OTOGL: variants seen among roughly 807,000 people sequenced by gnomAD.
The protein encoded by OTOGL is otogelin like.
A neutral mutation model predicts 318.5 loss-of-function variants in OTOGL; 285 were observed. That is an observed-to-expected ratio of 0.89 (90% CI 0.81 to 0.99). The LOEUF is 0.99. Ranked by LOEUF, OTOGL falls within the 50% of genes least tolerant of loss-of-function variation. The pLI, the probability that OTOGL is intolerant of heterozygous loss-of-function variation, is 0.00. For synonymous variants in OTOGL, 987 were observed against 936.5 expected (o/e 1.05, Z -0.99); for missense variants, 2,899 against 2,845.6 (o/e 1.02, Z -0.43).
At chr12:80,325,574 G>A (rs1043244626) in intron 35 of OTOGL, among the ~76,000 whole-genome samples, 1 of 152,200 alleles carries the variant, frequency 6.6e-6, no homozygotes, top group African/African-American at 2.4e-5. Context: ...GTCAAGTGCT[G>A]TGAGATCAGA....
Position 80,251,764 on chromosome 12 carries a change from CT to C in OTOGL, c.1125del (p.Ile376PhefsTer56). On this transcript the variant is annotated frameshift_variant, in exon 12 of 59. Coordinates refer to ENST00000547103, the MANE Select transcript of OTOGL (RefSeq NM_001378609.3). LOFTEE classifies it high-confidence loss of function. The part of the protein sequence containing the change: ...YARACSHAGY[P>X]IQDWRDDFPA... ...AGAGCCTGCTCTCATGCTGGCTACC[CT>C]ATTCAAGACTGGAGAGATGACTTTC... The C allele has an allele frequency of 6.3e-7, 1 of 1,588,582 alleles. No homozygotes were observed. Among genetic ancestry groups the C allele is most frequent in the Non-Finnish European group, 8.6e-7 (1 of 1,166,328 alleles).
At chr12:80,292,899 A>G (rs893037627) in intron 26 of OTOGL, among the ~76,000 whole-genome samples, 1 of 152,232 alleles carries the variant, frequency 6.6e-6, no homozygotes, top group Non-Finnish European at 1.5e-5. Context: ...ACCAACGAAG[A>G]TGAATATGTC....
intron 53 of OTOGL, 93 bp downstream of exon 53, chr12:80,366,730 A>T: frequency 2.5e-6 from 1 of 396,674 alleles, no homozygotes; most frequent in Non-Finnish European, 4.0e-6. Flanking sequence ...CATTTTTGAG[A>T]CACATACATT....
chr12:80,163,414 G>T (rs1873646020), intron 1 of OTOGL, among the ~76,000 whole-genome samples: 1 of 152,096 alleles, frequency 6.6e-6, no homozygotes, highest in Non-Finnish European at 1.5e-5. Context: ...CATTGTAGGA[G>T]AAATTCAGTC....
chr12:80,284,638 A>T (rs967083652), intron 26 of OTOGL, among the ~76,000 whole-genome samples: 1 of 152,080 alleles, frequency 6.6e-6, no homozygotes, highest in Non-Finnish European at 1.5e-5. Flanking sequence ...AGCGATGATG[A>T]GCTTTTTTTC....
Position 80,211,987 on chromosome 12 carries a change from T to C in OTOGL, c.158T>C (p.Leu53Ser). 1.3e-6 allele frequency: 2 copies of C among 1,577,342 alleles called. No homozygotes were observed. The highest frequency in any genetic ancestry group is 1.7e-6 in the Non-Finnish European group (2 of 1,168,044). ...GAAAATCGACAGAAAAGAGCTCTTT[T>C]AGCAGCACAGGTAGGTTATGCTTCA... ...FNENRQKRAL[L>S]AAQFEATSPR... The change falls in exon 4 of 59, where the codon TTA becomes TCA. Residue 53 changes from leucine (L) to serine (S), a missense_variant. This residue lies in a region of OTOGL where 2,607 missense variants were observed against 2,524.9 expected (regional missense o/e 1.03). Coordinates refer to ENST00000547103, the MANE Select transcript of OTOGL (RefSeq NM_001378609.3).
intron 1 of OTOGL, among the ~76,000 whole-genome samples, chr12:80,114,447 C>G (rs576352098): frequency 6.6e-6 from 1 of 152,178 alleles, no homozygotes; most frequent in Non-Finnish European, 1.5e-5. Context: ...AGCCCCTACA[C>G]TTTTCTGGCT....
Position 80,276,343 on chromosome 12 carries a change from T to A in OTOGL, c.2682-1825T>A, listed in dbSNP as rs1883804637. On this transcript the variant is annotated intron_variant, in intron 24 of 58. Transcript: ENST00000547103. ...GGGACTGTCACTAGGATAAGATCAG[T>A]TAGGGGCATAGTTAAAATGGTTAGA... is the stretch of plus-strand genomic sequence containing the variant. Among the ~76,000 whole-genome samples the A allele has an allele frequency of 2.0e-5, 3 of 151,754 alleles. No individual in the cohort carries two copies. The Admixed American group carries it at 2.0e-4, about 10-fold the overall frequency.
intron 1 of OTOGL, among the ~76,000 whole-genome samples, chr12:80,186,162 A>G (rs1025114520): frequency 6.6e-6 from 1 of 152,242 alleles, no homozygotes; most frequent in Non-Finnish European, 1.5e-5. Context: ...AAATGTGTTC[A>G]AAACCAAATT....
Position 80,336,105 on chromosome 12 carries a change from A to C in OTOGL, c.4565A>C (p.Asn1522Thr). 6.3e-7 allele frequency: 1 copy of C among 1,598,686 alleles called. No homozygotes were observed. Among genetic ancestry groups the C allele is most frequent in the Non-Finnish European group, 8.5e-7 (1 of 1,179,386 alleles). The change falls in exon 39 of 59, where the codon AAC (asparagine) becomes ACC (threonine). Residue 1522 changes from asparagine to threonine, a missense_variant. Asn to Thr is a moderately conservative substitution (Grantham distance 65). Coordinates refer to ENST00000547103, the MANE Select transcript of OTOGL (RefSeq NM_001378609.3). The stretch of plus-strand genomic sequence containing the variant: ...TTCCGAGGAAGGCCAGTTCAAGTGA[A>C]CAGTGATATCTGCTGCCCTGAGTGG... ...CGFRGRPVQV[N>T]SDICCPEWEC...
chr12:80,290,157 C>T (rs545962016), intron 26 of OTOGL, among the ~76,000 whole-genome samples: 2 of 152,274 alleles, frequency 1.3e-5, no homozygotes, highest in East Asian at 3.9e-4. Flanking sequence ...GTTCCCTGGC[C>T]CCTTGCACTT....
intron 25 of OTOGL, among the ~76,000 whole-genome samples, 178 bp from the exon 26 acceptor site, chr12:80,278,850 G>C (rs1884000242): frequency 6.6e-6 from 1 of 151,438 alleles, no homozygotes; most frequent in Non-Finnish European, 1.5e-5. Flanking sequence ...TAAAGGAAGT[G>C]AAAAACGTAT....
intron 17 of OTOGL, 74 bp from the exon 18 acceptor site, chr12:80,257,751 G>A (rs1882185325): frequency 7.9e-7 from 1 of 1,262,478 alleles, no homozygotes; most frequent in Non-Finnish European, 1.1e-6. Flanking sequence ...AGAGAGTCCT[G>A]GTGGTGTACC....
Position 80,219,820 on chromosome 12 carries a change from G to A in OTOGL, c.242G>A (p.Cys81Tyr), listed in dbSNP as rs775349315. The change falls in exon 6 of 59, where the codon TGT (cysteine) becomes TAT (tyrosine). Residue 81 changes from cysteine to tyrosine, a missense_variant. Coordinates refer to ENST00000547103, the MANE Select transcript of OTOGL (RefSeq NM_001378609.3). The part of the protein sequence containing the change: ...NWGESKIKGS[C>Y]PYECLNGAFC... ...TTTTTTTTTTCCCCCTCAGGTTCTT[G>A]TCCTTATGAATGCCTTAATGGAGCT... is the stretch of plus-strand genomic sequence containing the variant. The A allele has an allele frequency of 2.6e-6, 4 of 1,548,292 alleles. No individual in the cohort carries two copies. Among genetic ancestry groups the A allele is most frequent in the Admixed American group, 1.8e-5 (1 of 56,036 alleles).
Position 80,331,333 on chromosome 12 carries a change from A to ATTTT in OTOGL, c.4349-1650_4349-1647dup, listed in dbSNP as rs386377119. On this transcript the variant is annotated intron_variant, in intron 37 of 58. Transcript: ENST00000547103. ...ACCACTGAACTTCCCAGTCATTAGA[A>ATTTT]TTTTTTTTTTTTTTTTTTTTTTTTT... is the stretch of plus-strand genomic sequence containing the variant. Among the ~76,000 whole-genome samples, 615 of 81,786 alleles carry ATTTT rather than the reference A, an allele frequency of 7.5e-3. 19 individuals carry two copies. The highest frequency in any genetic ancestry group is 0.013 in the African/African-American group (267 of 21,010). The allele number at this position is 81,786 out of a possible 152,430, so 53.7% of individuals were successfully genotyped here.
chr12:80,310,764 A>G (rs1393472356), intron 30 of OTOGL, 37 bp downstream of exon 30: 2 of 1,476,172 alleles, frequency 1.4e-6, no homozygotes, highest in Non-Finnish European at 1.9e-6. Context: ...GAGTTTCAAT[A>G]TGTTCTACTG....
At chr12:80,199,621 A>T (rs907925276) in intron 1 of OTOGL, among the ~76,000 whole-genome samples, 1 of 152,160 alleles carries the variant, frequency 6.6e-6, no homozygotes, top group African/African-American at 2.4e-5. Flanking sequence ...GTATGGTTTT[A>T]CTCATAATAA....
chr12:80,323,786 CCT>C lies in OTOGL; in HGVS notation c.4146_4147del (p.Cys1383PhefsTer2), dbSNP rs746782348. 16 of 1,613,690 alleles carry C rather than the reference CCT, an allele frequency of 9.9e-6. No homozygotes were observed. Among genetic ancestry groups the C allele is most frequent in the Admixed American group, 1.7e-5 (1 of 60,000 alleles). On this transcript the variant is annotated frameshift_variant, in exon 35 of 59. Transcript: ENST00000547103. LOFTEE classifies it high-confidence loss of function. The stretch of plus-strand genomic sequence containing the variant: ...TGGAGATATGAACCTTGTGCTACAC[CCT>C]GTTTTAAAACATGTAGTGACCCTGA...
intron 1 of OTOGL, among the ~76,000 whole-genome samples, chr12:80,207,446 C>G (rs1411861655): frequency 6.6e-6 from 1 of 152,008 alleles, no homozygotes; most frequent in African/African-American, 2.4e-5. Context: ...CTCAGGTGAT[C>G]CCCCTGGCTC....
Sources: allele counts gnomAD v4.1 joint callset (sites outside exome capture counted in the v4.1 genomes callset), GRCh38; gene constraint gnomAD v4.1.1; regional missense constraint gnomAD v4.1.1; transcripts MANE v1.5; gene names NCBI Gene and HGNC (gene_info 2026-07-23, HGNC 2026-07-21).